The following DNAH9 variants were observed in gnomAD, a reference collection of about 807,000 sequenced individuals.
DNAH9 encodes DNAH9 variant protein.
A neutral mutation model predicts 471.6 loss-of-function variants in DNAH9; 345 were observed. The observed-to-expected ratio is 0.73, with a 90% CI of 0.67 to 0.80. DNAH9 has a LOEUF of 0.80. Among genes scored for constraint, DNAH9 ranks in the 30% least tolerant of loss-of-function variants. The pLI is 0.00. For missense variants in DNAH9, 5,407 were observed against 5,609.2 expected, an observed-to-expected ratio of 0.96 and a Z score of 1.15; for synonymous variants, 2,093 against 2,123.6, an observed-to-expected ratio of 0.99 and a Z score of 0.40.
chr17:11,632,293 G>A (rs1017003812), intron 7 of DNAH9, among the ~76,000 whole-genome samples: 2 of 152,090 alleles, frequency 1.3e-5, no homozygotes, highest in African/African-American at 2.4e-5. Flanking sequence ...GGTGTTATGA[G>A]TGAGAGAGAA....
At chr17:11,760,223 TC>T (rs144536984) in intron 35 of DNAH9, among the ~76,000 whole-genome samples, 3,010 of 152,350 alleles carry the variant, frequency 0.02, 111 homozygotes, top group African/African-American at 0.069. Context: ...AGTGCAGGTA[TC>T]TTTTTGATAA....
rs887161559 is a variant in DNAH9 at position 11,887,988 on chromosome 17, G to T, written c.11112+1023G>T. On this transcript the variant is annotated intron_variant, in intron 57 of 68. Transcript: ENST00000262442. ...TGTTTATAATATTTTATGGTTTTTT[G>T]TTTTTTTTTTTTGAGAGGGAGTCTC... 3.2e-3 allele frequency among the ~76,000 whole-genome samples: 462 copies of T among 143,788 alleles called. 2 individuals are homozygous for T. Among genetic ancestry groups the T allele is most frequent in the Non-Finnish European group, 5.8e-3 (376 of 65,354 alleles). The allele number at this position is 143,788 out of a possible 152,430, so 94.3% of individuals were successfully genotyped here.
At chr17:11,725,506 T>TA in intron 27 of DNAH9, among the ~76,000 whole-genome samples, 1 of 152,280 alleles carries the variant, frequency 6.6e-6, no homozygotes, top group South Asian at 2.1e-4. Context: ...GATATGAAAG[T>TA]AAAAAGAAAT....
intron 14 of DNAH9, among the ~76,000 whole-genome samples, chr17:11,658,328 G>A (rs62060823): frequency 0.28 from 41,988 of 151,962 alleles, 6,884 homozygotes; most frequent in Middle Eastern, 0.4. Flanking sequence ...CTATCAGGTA[G>A]TGTATACAAG....
chr17:11,765,302 G>A (rs1329422672), intron 36 of DNAH9, among the ~76,000 whole-genome samples: 1 of 152,184 alleles, frequency 6.6e-6, no homozygotes, highest in African/African-American at 2.4e-5. Flanking sequence ...AGCTGTAATT[G>A]TTGGAAAGTT....
chr17:11,937,380 C>A lies in DNAH9; in HGVS notation c.12518C>A (p.Ser4173Tyr), dbSNP rs939849648. Residue 4173 changes from serine (S) to tyrosine (Y), a missense_variant, in exon 66 of 69, where the codon TCC (serine) becomes TAC (tyrosine). Coordinates refer to ENST00000262442, the MANE Select transcript of DNAH9 (RefSeq NM_001372.4). This position sits in a 1 kb window ranked among gnomAD's most constrained non-coding sequence, Gnocchi z 4.1. The stretch of plus-strand genomic sequence containing the variant: ...ATCGATGCTGAGCTGCCCCCAGAAT[C>A]CCCCTACCTCTATGGCCTCCACCCG... ...QYIDAELPPESPYLYGLHPNA... is the reference protein window; with the variant it reads ...QYIDAELPPEYPYLYGLHPNA... The A allele has an allele frequency of 1.9e-6, 3 of 1,613,142 alleles. No individual in the cohort carries two copies. Among genetic ancestry groups the A allele is most frequent in the Admixed American group, 3.3e-5 (2 of 59,874 alleles).
chr17:11,803,321 A>G (rs1247897540), intron 43 of DNAH9, among the ~76,000 whole-genome samples: 1 of 152,140 alleles, frequency 6.6e-6, no homozygotes, highest in Non-Finnish European at 1.5e-5. Context: ...AACAACAACA[A>G]CGACAAACCC....
intron 19 of DNAH9, among the ~76,000 whole-genome samples, chr17:11,689,240 G>T (rs1237406540): frequency 1.3e-5 from 2 of 152,112 alleles, no homozygotes; most frequent in African/African-American, 2.4e-5. Context: ...TAGATGAAGG[G>T]CAGAGTCTAA....
intron 1 of DNAH9, among the ~76,000 whole-genome samples, chr17:11,605,354 T>G (rs1233919843): frequency 6.6e-6 from 1 of 152,188 alleles, no homozygotes; most frequent in Admixed American, 6.5e-5. Context: ...ATAAGCTTCA[T>G]GAGGTCAGAA....
chr17:11,822,608 GA>G lies in DNAH9; in HGVS notation c.9012+13del. 2 of 1,613,834 alleles carry G rather than the reference GA, an allele frequency of 1.2e-6. No homozygotes were observed. Among genetic ancestry groups the G allele is most frequent in the Admixed American group, 1.7e-5 (1 of 59,986 alleles). ...ACACAGAGGGCATTGAGGTGAGAGA[GA>G]AAAGGAGACACTCCTAAAAGTCCTT... On this transcript the variant is annotated intron_variant, in intron 47 of 68. Transcript: ENST00000262442.
intron 49 of DNAH9, among the ~76,000 whole-genome samples, chr17:11,841,260 T>C (rs909456452): frequency 6.6e-6 from 1 of 152,172 alleles, no homozygotes; most frequent in African/African-American, 2.4e-5. Flanking sequence ...TTTGCCAAGA[T>C]TAAGGATATG....
At chr17:11,823,711 C>T (rs1199535525) in intron 48 of DNAH9, among the ~76,000 whole-genome samples, 1 of 152,104 alleles carries the variant, frequency 6.6e-6, no homozygotes. Flanking sequence ...GCTGGTGGAT[C>T]ACGAGGTCAG....
chr17:11,758,118 C>T (rs1310806640), intron 35 of DNAH9, among the ~76,000 whole-genome samples: 2 of 152,162 alleles, frequency 1.3e-5, no homozygotes, highest in Non-Finnish European at 2.9e-5. Flanking sequence ...CACTCCCCGT[C>T]CCTGGCTGTG....
chr17:11,675,347 G>C (rs1431114501), intron 17 of DNAH9, among the ~76,000 whole-genome samples: 1 of 151,534 alleles, frequency 6.6e-6, no homozygotes, highest in Non-Finnish European at 1.5e-5. Context: ...ACATTCTTTG[G>C]TGTTTGCAAC....
intron 50 of DNAH9, among the ~76,000 whole-genome samples, chr17:11,865,762 C>G (rs186597612): frequency 1.8e-3 from 260 of 143,370 alleles, no homozygotes; most frequent in South Asian, 3.9e-3. Flanking sequence ...CACTTCATTT[C>G]ATTCATTTCA....
intron 62 of DNAH9, among the ~76,000 whole-genome samples, chr17:11,928,420 G>A (rs571402128): frequency 7.2e-5 from 11 of 152,324 alleles, no homozygotes; most frequent in Non-Finnish European, 1.2e-4. Flanking sequence ...GCTCAGCTCT[G>A]ATCTGTGTAT....
chr17:11,957,535 T>TTTTC (rs1193639823), intron 67 of DNAH9, among the ~76,000 whole-genome samples: 1 of 151,404 alleles, frequency 6.6e-6, no homozygotes, highest in African/African-American at 2.4e-5. Flanking sequence ...GTTTCTTGGA[T>TTTTC]TTTCTTTATG....
Position 11,745,510 on chromosome 17 carries a change from G to A in DNAH9, c.6399+426G>A, listed in dbSNP as rs377754489. The stretch of plus-strand genomic sequence containing the variant: ...CCCTCCCAGCCTCCTGGAAAACACA[G>A]CACAGCTCCTTATTTAACCTTGAGG... On this transcript the variant is annotated intron_variant, in intron 31 of 68. Transcript: ENST00000262442. 3.5e-4 allele frequency among the ~76,000 whole-genome samples: 53 copies of A among 152,222 alleles called. No individual in the cohort carries two copies. The East Asian group carries it at 9.5e-3, about 27-fold the overall frequency.
At chr17:11,844,399 TC>T (rs1289593567) in intron 49 of DNAH9, among the ~76,000 whole-genome samples, 1 of 152,182 alleles carries the variant, frequency 6.6e-6, no homozygotes, top group Non-Finnish European at 1.5e-5. Flanking sequence ...TTTGTTTTAG[TC>T]ATTTCCTTTG....
Sources: allele counts gnomAD v4.1 joint callset (sites outside exome capture counted in the v4.1 genomes callset), GRCh38; gene constraint gnomAD v4.1.1; non-coding constraint Gnocchi (gnomAD v3.1); transcripts MANE v1.5; gene names NCBI Gene and HGNC (gene_info 2026-07-23, HGNC 2026-07-21).